PLCD4: variants seen among roughly 807,000 people sequenced by gnomAD.
The protein encoded by PLCD4 is 1-phosphatidylinositol 4,5-bisphosphate phosphodiesterase delta-4.
PLCD4 carries 63 observed loss-of-function variants against 90.2 expected under a neutral mutation model. That is an observed-to-expected ratio of 0.70 (90% CI 0.57 to 0.86). The LOEUF is 0.86. Ranked by LOEUF, PLCD4 falls within the 40% of genes least tolerant of loss-of-function variation. The pLI is 0.00. For missense variants in PLCD4, 830 were observed against 956.3 expected, an observed-to-expected ratio of 0.87 and a Z score of 1.74; for synonymous variants, 294 against 356.5, an observed-to-expected ratio of 0.82 and a Z score of 1.97.
intron 7 of PLCD4, chr2:218,628,503 A>G (rs778622610): frequency 2.0e-4 from 74 of 362,090 alleles, no homozygotes; most frequent in Middle Eastern, 1.6e-3. Context: ...ATTAATAAAC[A>G]GATTGTTAAA....
intron 6 of PLCD4, among the ~76,000 whole-genome samples, chr2:218,623,198 C>G (rs533160283): frequency 6.6e-6 from 1 of 152,312 alleles, no homozygotes; most frequent in East Asian, 1.9e-4. Context: ...TCGCTGGAAA[C>G]GGAAAACCCT....
Position 218,628,212 on chromosome 2 carries a change from G to A in PLCD4, c.956G>A (p.Ser319Asn). 5.0e-6 allele frequency: 8 copies of A among 1,613,954 alleles called. No individual in the cohort carries two copies. Among genetic ancestry groups the A allele is most frequent in the Non-Finnish European group, 6.8e-6 (8 of 1,179,848 alleles). Residue 319 changes from serine (S) to asparagine (N), a missense_variant, in exon 7 of 16, where the codon AGC (serine) becomes AAC (asparagine). Coordinates refer to ENST00000450993, the MANE Select transcript of PLCD4 (RefSeq NM_032726.4). ...GGGGACCAGCTTTGTGGCCAGAGCA[G>A]CGTCGAGGGATATATACGGTGCAGT... The part of the protein sequence containing the change: ...LVGDQLCGQS[S>N]VEGYIRALKR...
chr2:218,629,193 G>A, intron 7 of PLCD4: 1 of 215,770 alleles, frequency 4.6e-6, no homozygotes, highest in Non-Finnish European at 9.6e-6. Context: ...TCTAGCCTGG[G>A]TGACAGATTT....
chr2:218,633,408 G>T, intron 10 of PLCD4, 197 bp from the exon 11 acceptor site: 1 of 728,600 alleles, frequency 1.4e-6, no homozygotes, highest in Non-Finnish European at 2.5e-6. Flanking sequence ...CCGCTGTTTT[G>T]TCCGTCTATC....
At chr2:218,626,981 C>T (rs919250176) in intron 6 of PLCD4, among the ~76,000 whole-genome samples, 1 of 152,076 alleles carries the variant, frequency 6.6e-6, no homozygotes, top group African/African-American at 2.4e-5. Context: ...AGGTCGGGCA[C>T]GGTGGCTCAC....
At chr2:218,626,845 T>A (rs1696139603) in intron 6 of PLCD4, among the ~76,000 whole-genome samples, 1 of 152,210 alleles carries the variant, frequency 6.6e-6, no homozygotes, top group South Asian at 2.1e-4. Flanking sequence ...AACTTGGCCA[T>A]GTCACTAAGC....
intron 3 of PLCD4, among the ~76,000 whole-genome samples, chr2:218,616,960 A>AGAT (rs1553571998): frequency 2.8e-4 from 26 of 92,652 alleles, no homozygotes; most frequent in African/African-American, 1.0e-3. Flanking sequence ...AGAGAGAGAG[A>AGAT]GAGAGAGAGA....
intron 6 of PLCD4, among the ~76,000 whole-genome samples, chr2:218,627,309 A>C (rs1160534489): frequency 6.6e-6 from 1 of 151,904 alleles, no homozygotes; most frequent in Non-Finnish European, 1.5e-5. Flanking sequence ...AAATCTAATA[A>C]AATTTAAAAC....
chr2:218,630,960 TAAAC>T (rs1696335281), intron 9 of PLCD4, among the ~76,000 whole-genome samples, 158 bp downstream of exon 9: 1 of 152,210 alleles, frequency 6.6e-6, no homozygotes, highest in Non-Finnish European at 1.5e-5. Context: ...AATTTTAACT[TAAAC>T]AAAATCTAAC....
chr2:218,632,131 C>T lies in PLCD4; in HGVS notation c.1273-5C>T. On this transcript the variant is annotated splice_polypyrimidine_tract_variant and splice_region_variant and intron_variant, in intron 9 of 15. Transcript: ENST00000450993. ...TAGACAGGCCCCTTCATTTTTGTCC[C>T]CTAGGAGCTTCGGAGGAAGATCCTG... The T allele has an allele frequency of 6.2e-7, 1 of 1,600,198 alleles. No individual in the cohort carries two copies. Among genetic ancestry groups the T allele is most frequent in the South Asian group, 1.1e-5 (1 of 88,104 alleles).
At position 218,618,714 on chromosome 2, in the gene PLCD4, C is replaced by T. The variant is rs765332845; in HGVS notation, c.317C>T (p.Ala106Val). Residue 106 changes from alanine (A) to valine (V), a missense_variant, in exon 4 of 16, where the codon GCC becomes GTC. Coordinates refer to ENST00000450993, the MANE Select transcript of PLCD4 (RefSeq NM_032726.4). ...HGRRSNLDLM[A>V]NSVEEAQIWM... ...CGCCGCTCCAACCTGGACCTGATGG[C>T]CAACAGTGTTGAGGAGGCCCAGATA... 1 of 1,613,298 alleles carries T rather than the reference C, an allele frequency of 6.2e-7. No homozygotes were observed. The highest frequency in any genetic ancestry group is 1.3e-5 in the African/African-American group (1 of 74,930).
chr2:218,622,205 A>G (rs1014552818), intron 5 of PLCD4: 1 of 155,998 alleles, frequency 6.4e-6, no homozygotes, highest in Admixed American at 6.5e-5. Flanking sequence ...GGTGCCTAGA[A>G]CAATGGAAAA....
intron 1 of PLCD4, among the ~76,000 whole-genome samples, chr2:218,610,502 C>T (rs368227776): frequency 1.1e-4 from 17 of 149,142 alleles, no homozygotes; most frequent in Non-Finnish European, 2.1e-4. Context: ...AGTGACACTC[C>T]GTCTCAAAAA....
rs761546012 is a variant in PLCD4, at chr2:218,627,991, A to T, written c.773-38A>T. ...TAGGTGTGCTGGGATGCTCCCATTC[A>T]GAGCTTCTCACCTAGTGTTCCCCTG... On this transcript the variant is annotated intron_variant, in intron 6 of 15. Transcript: ENST00000450993. The T allele has an allele frequency of 2.6e-6, 4 of 1,559,762 alleles. No individual in the cohort carries two copies. The Admixed American group carries it at 6.8e-5, about 27-fold the overall frequency.
chr2:218,623,837 C>T (rs1421395715), intron 6 of PLCD4, among the ~76,000 whole-genome samples: 1 of 152,142 alleles, frequency 6.6e-6, no homozygotes, highest in Non-Finnish European at 1.5e-5. Flanking sequence ...CATGCGCCAC[C>T]ACGCCCGGCT....
At chr2:218,622,004 C>T (rs1202595832) in intron 5 of PLCD4, among the ~76,000 whole-genome samples, 2 of 147,730 alleles carry the variant, frequency 1.4e-5, no homozygotes, top group Non-Finnish European at 3.0e-5. Context: ...GGTGTGAACC[C>T]GGGAGGCAGT....
At chr2:218,615,045 A>G (rs1695515023) in intron 1 of PLCD4, among the ~76,000 whole-genome samples, 1 of 151,848 alleles carries the variant, frequency 6.6e-6, no homozygotes, top group South Asian at 2.1e-4. Context: ...TGGCTAACAC[A>G]GTGAAAACCT....
intron 8 of PLCD4, among the ~76,000 whole-genome samples, 182 bp from the exon 9 acceptor site, chr2:218,630,468 C>T (rs1696312180): frequency 1.3e-5 from 2 of 152,148 alleles, no homozygotes; most frequent in South Asian, 4.1e-4. Context: ...TGGGCAGTGT[C>T]GCAGGCATGG....
At chr2:218,614,508 G>A (rs951594623) in intron 1 of PLCD4, among the ~76,000 whole-genome samples, 1 of 151,032 alleles carries the variant, frequency 6.6e-6, no homozygotes, top group Non-Finnish European at 1.5e-5. Context: ...GGAGTGCATG[G>A]CACAATCTTG....
Sources: allele counts gnomAD v4.1 joint callset (sites outside exome capture counted in the v4.1 genomes callset), GRCh38; gene constraint gnomAD v4.1.1; transcripts MANE v1.5; gene names NCBI Gene and HGNC (gene_info 2026-07-23, HGNC 2026-07-21).